Variants in STXBP4 observed in about 807,000 individuals in gnomAD.
STXBP4 encodes syntaxin-binding protein 4.
Under a neutral mutation model 76.1 loss-of-function variants are expected in STXBP4, and 55 were observed. The observed-to-expected ratio is 0.72, with a 90% CI of 0.58 to 0.91. The LOEUF is 0.91. STXBP4 is among the 40% of genes least tolerant of loss of function. The probability of loss-of-function intolerance (pLI) is 0.00; values close to 1 mark genes in which losing one functional copy is unlikely to be tolerated. For missense variants in STXBP4, 618 were observed against 636.9 expected (o/e 0.97, Z 0.32); for synonymous variants, 201 against 220.2 (o/e 0.91, Z 0.77).
chr17:55,146,370 T>C (rs2080153554), intron 17 of STXBP4, among the ~76,000 whole-genome samples: 1 of 152,336 alleles, frequency 6.6e-6, no homozygotes, highest in South Asian at 2.1e-4. Context: ...TCTCTGGGTC[T>C]CTCATGAAGT....
At chr17:55,197,679 G>C in the STXBP4 span, among the ~76,000 whole-genome samples, 3 of 151,902 alleles carry the variant, frequency 2.0e-5, no homozygotes, top group Admixed American at 6.6e-5. Flanking sequence ...GGAGGCGGAG[G>C]TTGCAGTGAG....
intron 8 of STXBP4, among the ~76,000 whole-genome samples, chr17:55,010,682 C>T (rs993067127): frequency 2.6e-5 from 4 of 152,040 alleles, no homozygotes; most frequent in Admixed American, 6.5e-5. Flanking sequence ...GATGCCATTT[C>T]GCTGATATTT....
chr17:55,148,720 G>A (rs1318275536), intron 17 of STXBP4, among the ~76,000 whole-genome samples: 3 of 152,010 alleles, frequency 2.0e-5, no homozygotes, highest in African/African-American at 2.4e-5. Context: ...TGTATTTTTA[G>A]TAGAGGCGGG....
chr17:55,052,129 T>TATC (rs2078867472), intron 12 of STXBP4, among the ~76,000 whole-genome samples: 1 of 152,146 alleles, frequency 6.6e-6, no homozygotes, highest in African/African-American at 2.4e-5. Context: ...CACATTACTA[T>TATC]ATCTAAGTGT....
the STXBP4 span, among the ~76,000 whole-genome samples, chr17:55,200,500 CT>C: frequency 6.6e-6 from 1 of 152,336 alleles, no homozygotes; most frequent in Middle Eastern, 3.4e-3. Context: ...ACTTTTACCC[CT>C]TTTTGTTTCC....
intron 16 of STXBP4, among the ~76,000 whole-genome samples, chr17:55,136,073 A>G (rs577039832): frequency 6.6e-6 from 1 of 152,318 alleles, no homozygotes; most frequent in South Asian, 2.1e-4. Context: ...TGAGGTTAAT[A>G]ACAATATCTA....
chr17:55,095,495 C>T (rs1385460694), intron 16 of STXBP4, among the ~76,000 whole-genome samples: 1 of 152,132 alleles, frequency 6.6e-6, no homozygotes, highest in East Asian at 1.9e-4. Context: ...CAGCTCATCT[C>T]AGAAAAGGCA....
intron 16 of STXBP4, among the ~76,000 whole-genome samples, chr17:55,099,119 G>T (rs7224432): frequency 0.22 from 34,195 of 151,988 alleles, 4,020 homozygotes; most frequent in Middle Eastern, 0.36. Context: ...GTCATCTATA[G>T]TGTTAGTAAA....
chr17:55,134,041 C>A (rs1030123544), intron 16 of STXBP4, among the ~76,000 whole-genome samples: 7 of 150,896 alleles, frequency 4.6e-5, no homozygotes, highest in African/African-American at 1.7e-4. Flanking sequence ...ATTTTTATGC[C>A]CATGGTAATG....
At chr17:55,157,342 C>T (rs1292811800) in intron 17 of STXBP4, among the ~76,000 whole-genome samples, 1 of 152,162 alleles carries the variant, frequency 6.6e-6, no homozygotes, top group African/African-American at 2.4e-5. Flanking sequence ...GCATTCCAGC[C>T]CTCTCATGTT....
At chr17:55,034,284 T>C in intron 10 of STXBP4, 25 bp downstream of exon 10, 1 of 1,545,808 alleles carries the variant, frequency 6.5e-7, no homozygotes, top group Non-Finnish European at 8.8e-7. Context: ...ATAGAATTGC[T>C]TTGACATGTA....
At chr17:55,058,205 C>T (rs540479626) in intron 12 of STXBP4, among the ~76,000 whole-genome samples, 28 of 152,338 alleles carry the variant, frequency 1.8e-4, no homozygotes, top group Admixed American at 3.3e-4. Context: ...TCTACATCCT[C>T]TCCAGCATCT....
chr17:55,128,267 A>G (rs904165655), intron 16 of STXBP4, among the ~76,000 whole-genome samples: 3 of 150,664 alleles, frequency 2.0e-5, no homozygotes, highest in Non-Finnish European at 4.4e-5. Flanking sequence ...AACAAATGAA[A>G]GTCAAAAAAG....
At position 54,972,094 on chromosome 17, in the gene STXBP4, C is replaced by CA. The variant is rs2077409454; in HGVS notation, c.-157+3281dup. On this transcript the variant is annotated intron_variant, in intron 1 of 17. Coordinates refer to ENST00000376352, the MANE Select transcript of STXBP4 (RefSeq NM_178509.6). ...AGTCCTCTTAGGCATCACATGATCT[C>CA]AATTTATTCCGTGGTTTCATGATGT... Among the ~76,000 whole-genome samples, 4 of 152,184 alleles carry CA rather than the reference C, an allele frequency of 2.6e-5. No individual in the cohort carries two copies. In the South Asian group the frequency reaches 8.3e-4, roughly 31 times the overall value.
At chr17:55,185,245 TCTTCTC>T in the STXBP4 span, among the ~76,000 whole-genome samples, 450 of 57,910 alleles carry the variant, frequency 7.8e-3, 16 homozygotes, top group Admixed American at 9.2e-3. Flanking sequence ...TTCTTCTTCT[TCTTCTC>T]CTTCTCCTTC....
At chr17:55,106,224 C>G (rs553012071) in intron 16 of STXBP4, among the ~76,000 whole-genome samples, 1 of 150,802 alleles carries the variant, frequency 6.6e-6, no homozygotes, top group South Asian at 2.1e-4. Context: ...CCTTCTTTGT[C>G]TTTTTTGATA....
At chr17:55,199,808 C>T in the STXBP4 span, among the ~76,000 whole-genome samples, 5 of 152,298 alleles carry the variant, frequency 3.3e-5, no homozygotes, top group South Asian at 4.1e-4. Flanking sequence ...TACCAAGGCC[C>T]GGCATGATCT....
intron 12 of STXBP4, among the ~76,000 whole-genome samples, chr17:55,057,508 GA>G (rs2078942176): frequency 1.3e-5 from 2 of 152,066 alleles, no homozygotes; most frequent in African/African-American, 4.8e-5. Flanking sequence ...TTTCTTCTTT[GA>G]AAATGTCAAT....
At chr17:55,118,600 A>G (rs1423222654) in intron 16 of STXBP4, among the ~76,000 whole-genome samples, 1 of 151,876 alleles carries the variant, frequency 6.6e-6, no homozygotes, top group Non-Finnish European at 1.5e-5. Context: ...TTTAGCATAT[A>G]TATGGTTTTT....
Sources: gnomAD v4.1 joint callset for allele counts (sites outside exome capture counted in the v4.1 genomes callset) on GRCh38, gnomAD v4.1.1 for gene constraint, MANE v1.5 for transcripts, NCBI Gene and HGNC (gene_info 2026-07-23, HGNC 2026-07-21) for gene names.